The following HS1BP3 variants were observed in gnomAD, a reference collection of about 807,000 sequenced individuals.
HS1BP3 encodes HCLS1 binding protein 3, also known as HCLS1-binding protein 3.
A neutral mutation model predicts 33.5 loss-of-function variants in HS1BP3; 32 were observed. The ratio of observed to expected loss-of-function variants is 0.95; its 90% CI spans 0.72 to 1.28. HS1BP3 has a LOEUF of 1.28. HS1BP3 is among the 50% of genes most tolerant of loss of function. HS1BP3 has a pLI of 0.00. For missense variants in HS1BP3, 486 were observed against 502.3 expected, an observed-to-expected ratio of 0.97 and a Z score of 0.31; for synonymous variants, 187 against 209.2, an observed-to-expected ratio of 0.89 and a Z score of 0.92.
At chr2:20,557,866 C>G (rs1692876711), downstream of HS1BP3, among the ~76,000 whole-genome samples, 2 of 152,182 alleles carry the variant, frequency 1.3e-5, no homozygotes, top group Admixed American at 1.3e-4. Flanking sequence ...GAGGCAGTTC[C>G]CCAAGGGGTC....
intron 3 of HS1BP3, among the ~76,000 whole-genome samples, chr2:20,639,192 A>G (rs1695262930): frequency 6.6e-6 from 1 of 152,244 alleles, no homozygotes; most frequent in Non-Finnish European, 1.5e-5. Flanking sequence ...GGAAGATTCC[A>G]GAACAAACGG....
intron 2 of HS1BP3, among the ~76,000 whole-genome samples, chr2:20,642,020 C>T (rs560251622): frequency 2.6e-5 from 4 of 152,242 alleles, no homozygotes; most frequent in Admixed American, 6.5e-5. Flanking sequence ...CACACACCAT[C>T]GGCCTGGCAC....
chr2:20,577,336 CCAAGGCTAGTAGG>C (rs1396490989), intron 5 of HS1BP3, among the ~76,000 whole-genome samples: 1 of 152,108 alleles, frequency 6.6e-6, no homozygotes, highest in Non-Finnish European at 1.5e-5. Flanking sequence ...TCAGAAAGAC[CCAAGGCTAGTAGG>C]CCTGGACTCC....
chr2:20,567,917 G>A (rs1410631827), intron 5 of HS1BP3, among the ~76,000 whole-genome samples: 4 of 152,136 alleles, frequency 2.6e-5, no homozygotes, highest in African/African-American at 7.2e-5. Context: ...CAGCACCGAG[G>A]GGGAACTCAA....
At chr2:20,557,436 G>A (rs1407679699), downstream of HS1BP3, among the ~76,000 whole-genome samples, 5 of 152,150 alleles carry the variant, frequency 3.3e-5, no homozygotes, top group East Asian at 9.6e-4. Flanking sequence ...CCACTTTTAG[G>A]TTGTGACTTC....
At chr2:20,627,126 G>A (rs114852615) in intron 4 of HS1BP3, among the ~76,000 whole-genome samples, 2,914 of 152,322 alleles carry the variant, frequency 0.019, 40 homozygotes, top group Middle Eastern at 0.065. Context: ...CATCTCTGCC[G>A]CCCTTTGCGT....
chr2:20,574,814 G>A (rs1002014579), intron 5 of HS1BP3, among the ~76,000 whole-genome samples: 9 of 152,196 alleles, frequency 5.9e-5, no homozygotes, highest in Non-Finnish European at 1.5e-5. Context: ...CTGGATCAGG[G>A]CAGCAGATCC....
At chr2:20,599,808 C>T (rs1694030873) in intron 2 of HS1BP3, among the ~76,000 whole-genome samples, 1 of 152,180 alleles carries the variant, frequency 6.6e-6, no homozygotes, top group Non-Finnish European at 1.5e-5. Context: ...TCAGGTCCAG[C>T]TCCTGTGCCT....
intron 3 of HS1BP3, among the ~76,000 whole-genome samples, chr2:20,593,577 C>T (rs561169641): frequency 4.0e-4 from 61 of 152,264 alleles, no homozygotes; most frequent in African/African-American, 1.3e-3. Context: ...ATGAGGCCCC[C>T]GCACTTCAGC....
chr2:20,595,180 T>G (rs1042333983), intron 3 of HS1BP3, among the ~76,000 whole-genome samples: 2 of 151,888 alleles, frequency 1.3e-5, no homozygotes, highest in Non-Finnish European at 2.9e-5. Context: ...TGGGCAGAGA[T>G]CACAGCAGCT....
At chr2:20,565,905 G>T (rs535194085) in intron 5 of HS1BP3, among the ~76,000 whole-genome samples, 1 of 152,350 alleles carries the variant, frequency 6.6e-6, no homozygotes, top group South Asian at 2.1e-4. Flanking sequence ...ACAGGCCAAG[G>T]CTTCCATGGA....
chr2:20,624,633 T>G, intron 5 of HS1BP3, 99 bp downstream of exon 5: 1 of 1,100,646 alleles, frequency 9.1e-7, no homozygotes, highest in Non-Finnish European at 1.3e-6. Context: ...ACAGGGGAGA[T>G]ATATGGGTCC....
At chr2:20,571,474 T>C (rs912729887) in intron 5 of HS1BP3, among the ~76,000 whole-genome samples, 1 of 152,236 alleles carries the variant, frequency 6.6e-6, no homozygotes, top group African/African-American at 2.4e-5. Context: ...CTTTGTGTCC[T>C]TTTTCCTGTG....
intron 2 of HS1BP3, among the ~76,000 whole-genome samples, chr2:20,599,609 A>AACACAC (rs59149167): frequency 0.026 from 3,582 of 136,210 alleles, 49 homozygotes; most frequent in Middle Eastern, 0.042. Context: ...CTTCTTGTGT[A>AACACAC]ACACACACAC....
chr2:20,615,626 CCT>C (rs1238744201), downstream of HS1BP3, among the ~76,000 whole-genome samples: 2 of 152,194 alleles, frequency 1.3e-5, no homozygotes, highest in Admixed American at 6.5e-5. Context: ...GCTCTGTTAC[CCT>C]CTCTGTTTCC....
chr2:20,565,705 A>G (rs1216627304), intron 5 of HS1BP3, among the ~76,000 whole-genome samples: 1 of 152,214 alleles, frequency 6.6e-6, no homozygotes, highest in Non-Finnish European at 1.5e-5. Context: ...GGAACCTCTG[A>G]TCCTGCTCCA....
intron 5 of HS1BP3, among the ~76,000 whole-genome samples, chr2:20,575,607 G>A (rs943054802): frequency 2.6e-5 from 4 of 152,224 alleles, no homozygotes; most frequent in Non-Finnish European, 5.9e-5. Flanking sequence ...GAGGAGCCAG[G>A]CACTGGGGAG....
downstream of HS1BP3, among the ~76,000 whole-genome samples, chr2:20,558,084 T>G (rs1692883860): frequency 6.6e-6 from 1 of 152,258 alleles, no homozygotes; most frequent in Non-Finnish European, 1.5e-5. Flanking sequence ...CATTGTTCAC[T>G]GCGTCTGTAT....
chr2:20,563,289 G>A lies in HS1BP3; in HGVS notation c.303-2774C>T, dbSNP rs533844682. ...TCCAGTGCACCCACACATTACAGAT[G>A]GGGAAACTGAGGCCCAGAGAGGGAA... On this transcript the variant is annotated intron_variant, in intron 5 of 5. Transcript: ENST00000446825. 1.2e-4 allele frequency among the ~76,000 whole-genome samples: 18 copies of A among 152,336 alleles called. No homozygotes were observed. In the East Asian group the frequency reaches 3.3e-3, roughly 28 times the overall value.
Sources: gnomAD v4.1 joint callset for allele counts (sites outside exome capture counted in the v4.1 genomes callset) on GRCh38, gnomAD v4.1.1 for gene constraint, MANE v1.5 for transcripts, NCBI Gene and HGNC (gene_info 2026-07-23, HGNC 2026-07-21) for gene names.